The following NYAP2 variants were observed in gnomAD, a reference collection of about 807,000 sequenced individuals.
NYAP2 encodes neuronal tyrosine-phosphorylated phosphoinositide-3-kinase adaptor 2.
Under a neutral mutation model 50.4 loss-of-function variants are expected in NYAP2, and 23 were observed. The ratio of observed to expected loss-of-function variants is 0.46; its 90% CI spans 0.33 to 0.65. The LOEUF is 0.65. Among genes scored for constraint, NYAP2 ranks in the 30% least tolerant of loss-of-function variants. The probability of loss-of-function intolerance (pLI) is 0.02; values close to 1 mark genes in which losing one functional copy is unlikely to be tolerated. For synonymous variants in NYAP2, 394 were observed against 365.2 expected, an observed-to-expected ratio of 1.08 and a Z score of -0.90; for missense variants, 885 against 861.0, an observed-to-expected ratio of 1.03 and a Z score of -0.35.
intron 3 of NYAP2, among the ~76,000 whole-genome samples, chr2:225,487,445 C>T (rs181317247): frequency 3.3e-4 from 50 of 152,124 alleles, no homozygotes; most frequent in African/African-American, 9.6e-4. Flanking sequence ...CTGCAACTTC[C>T]GCCTCCTGGG....
At chr2:225,523,731 C>A (rs1039151788) in intron 4 of NYAP2, among the ~76,000 whole-genome samples, 6 of 151,706 alleles carry the variant, frequency 4.0e-5, no homozygotes, top group African/African-American at 1.5e-4. Context: ...CACATGAAAC[C>A]AAAAAAACAA....
intron 2 of NYAP2, among the ~76,000 whole-genome samples, chr2:225,401,591 T>C (rs1694863671): frequency 1.3e-5 from 2 of 152,066 alleles, no homozygotes; most frequent in Admixed American, 1.3e-4. Context: ...TACTATTCAA[T>C]GTCAGAAAGA....
chr2:225,600,136 G>A (rs539923526), intron 5 of NYAP2, among the ~76,000 whole-genome samples: 5 of 152,096 alleles, frequency 3.3e-5, no homozygotes, highest in Non-Finnish European at 7.4e-5. Flanking sequence ...TAACTTGGTG[G>A]GTGGTGGGCA....
the NYAP2 span, among the ~76,000 whole-genome samples, chr2:225,668,087 C>T: frequency 7.2e-3 from 1,092 of 152,214 alleles, 9 homozygotes; most frequent in Middle Eastern, 0.034. Context: ...ATCAAGGATA[C>T]GACATTACAT....
intron 6 of NYAP2, among the ~76,000 whole-genome samples, chr2:225,636,356 T>C (rs1449349975): frequency 6.6e-6 from 1 of 152,202 alleles, no homozygotes; most frequent in East Asian, 1.9e-4. Flanking sequence ...ACATAATTTC[T>C]AAGCTGTGTC....
chr2:225,692,337 A>C, the NYAP2 span, among the ~76,000 whole-genome samples: 1 of 152,094 alleles, frequency 6.6e-6, no homozygotes, highest in Non-Finnish European at 1.5e-5. Context: ...ATGGCACTGC[A>C]TTGCTATTCC....
chr2:225,655,060 C>T (rs972436695), downstream of NYAP2, among the ~76,000 whole-genome samples: 5 of 152,210 alleles, frequency 3.3e-5, no homozygotes, highest in African/African-American at 1.2e-4. Context: ...AGTGACAGCC[C>T]ACCACCAGAG....
chr2:225,618,115 T>G (rs1476636109), intron 5 of NYAP2, among the ~76,000 whole-genome samples: 1 of 152,174 alleles, frequency 6.6e-6, no homozygotes, highest in Non-Finnish European at 1.5e-5. Context: ...ATACCCTGTT[T>G]GCTTAGGTTG....
At chr2:225,398,387 C>A (rs1015347656), upstream of NYAP2, among the ~76,000 whole-genome samples, 4 of 151,968 alleles carry the variant, frequency 2.6e-5, no homozygotes, top group African/African-American at 9.7e-5. Context: ...GCAAAATTAT[C>A]AGTCATGATA....
At chr2:225,443,589 C>T (rs1689505546) in intron 3 of NYAP2, among the ~76,000 whole-genome samples, 1 of 151,788 alleles carries the variant, frequency 6.6e-6, no homozygotes, top group African/African-American at 2.4e-5. Context: ...GGCAACAGAG[C>T]AAGACTCTGT....
At chr2:225,562,041 C>T (rs1358926736) in intron 4 of NYAP2, among the ~76,000 whole-genome samples, 3 of 152,134 alleles carry the variant, frequency 2.0e-5, no homozygotes, top group Non-Finnish European at 4.4e-5. Flanking sequence ...CACTGAAAAT[C>T]TGGAAGACAG....
rs964298995 is a variant in NYAP2, at chr2:225,602,281, C to T, written c.1618+19246C>T. ...ACCCTATGTAAATGAAGACTTAGCT[C>T]ACGGTCAATTACGGAGAGGTAGGCA... is the stretch of plus-strand genomic sequence containing the variant. On this transcript the variant is annotated intron_variant, in intron 5 of 6. Transcript: ENST00000636099. Among the ~76,000 whole-genome samples the T allele has an allele frequency of 3.2e-4, 49 of 152,006 alleles. 1 individual carries two copies. Among genetic ancestry groups the T allele is most frequent in the South Asian group, 8.3e-4 (4 of 4,824 alleles).
At chr2:225,435,814 G>T (rs908900977) in intron 3 of NYAP2, among the ~76,000 whole-genome samples, 5 of 152,120 alleles carry the variant, frequency 3.3e-5, no homozygotes, top group African/African-American at 7.2e-5. Context: ...TTTACTACAT[G>T]ATCATGAATG....
At chr2:225,642,956 T>C (rs1693558359) in intron 6 of NYAP2, among the ~76,000 whole-genome samples, 1 of 152,208 alleles carries the variant, frequency 6.6e-6, no homozygotes. Context: ...ACTTGAGTTA[T>C]GCATAATTCT....
chr2:225,448,238 C>A (rs1017273770), intron 3 of NYAP2, among the ~76,000 whole-genome samples: 1 of 152,124 alleles, frequency 6.6e-6, no homozygotes, highest in Non-Finnish European at 1.5e-5. Context: ...CCACCTCCTG[C>A]TTTTGTGGGT....
At chr2:225,594,161 C>A (rs1242834939) in intron 5 of NYAP2, among the ~76,000 whole-genome samples, 2 of 152,112 alleles carry the variant, frequency 1.3e-5, no homozygotes, top group South Asian at 4.1e-4. Flanking sequence ...AAGAAAATAA[C>A]ATTTTAAAGA....
chr2:225,440,417 A>T (rs1041811515), intron 3 of NYAP2, among the ~76,000 whole-genome samples: 2 of 152,216 alleles, frequency 1.3e-5, no homozygotes, highest in Admixed American at 1.3e-4. Context: ...GACCTTTGGG[A>T]TATGACGGTT....
chr2:225,657,756 C>A (rs1156292135), downstream of NYAP2, among the ~76,000 whole-genome samples: 1 of 152,070 alleles, frequency 6.6e-6, no homozygotes, highest in Non-Finnish European at 1.5e-5. Context: ...TTAGTTTAGC[C>A]CCTTGTCCTA....
intron 3 of NYAP2, among the ~76,000 whole-genome samples, chr2:225,492,622 G>A (rs930557625): frequency 6.6e-6 from 1 of 152,212 alleles, no homozygotes; most frequent in Non-Finnish European, 1.5e-5. Flanking sequence ...TTGGCTCACA[G>A]TTCTGCAGAC....
Sources: allele counts gnomAD v4.1 joint callset (sites outside exome capture counted in the v4.1 genomes callset), GRCh38; gene constraint gnomAD v4.1.1; transcripts MANE v1.5; gene names NCBI Gene and HGNC (gene_info 2026-07-23, HGNC 2026-07-21).